The following NECTIN3 variants were observed in gnomAD, a reference collection of about 807,000 sequenced individuals.
NECTIN3 encodes the protein nectin cell adhesion molecule 3.
A neutral mutation model predicts 49.4 loss-of-function variants in NECTIN3; 8 were observed. That is an observed-to-expected ratio of 0.16 (90% CI 0.10 to 0.29). The LOEUF (loss-of-function observed/expected upper bound fraction) is 0.29, where lower values mean the gene tolerates loss of function less well. Among genes scored for constraint, NECTIN3 ranks in the 10% least tolerant of loss-of-function variants. NECTIN3 has a pLI of 1.00. For missense variants in NECTIN3, 581 were observed against 654.6 expected, an observed-to-expected ratio of 0.89 and a Z score of 1.23; for synonymous variants, 277 against 241.1, an observed-to-expected ratio of 1.15 and a Z score of -1.38.
chr3:111,137,314 T>C lies in NECTIN3; in HGVS notation c.*3099T>C, dbSNP rs2034614413. The C allele has an allele frequency of 1.0e-6, 1 of 971,812 alleles. No individual in the cohort carries two copies. The highest frequency in any genetic ancestry group is 4.8e-5 in the South Asian group (1 of 21,006). The allele number at this position is 971,812 out of a possible 1,614,324, so 60.2% of individuals were successfully genotyped here. ...ATTGTAGATTGAATTGTCTTTCCTG[T>C]TTACTTGTTAATTAGAAAATGCATC... On this transcript the variant is annotated 3_prime_UTR_variant, in exon 6 of 6. Coordinates refer to ENST00000485303, the MANE Select transcript of NECTIN3 (RefSeq NM_015480.3).
chr3:111,084,998 G>C (rs1295420720), intron 1 of NECTIN3, among the ~76,000 whole-genome samples: 1 of 152,158 alleles, frequency 6.6e-6, no homozygotes, highest in Non-Finnish European at 1.5e-5. Context: ...ATCCTTCCTT[G>C]CCTTTTTCTG....
chr3:111,089,427 G>A (rs1020792145), intron 1 of NECTIN3, among the ~76,000 whole-genome samples: 1 of 150,538 alleles, frequency 6.6e-6, no homozygotes, highest in African/African-American at 2.5e-5. Context: ...GTGTGTGTGT[G>A]TGTATGTATA....
At chr3:111,117,656 CAAGAACAGATGGTATTAAA>C (rs1006621209) in intron 2 of NECTIN3, among the ~76,000 whole-genome samples, 1 of 151,138 alleles carries the variant, frequency 6.6e-6, no homozygotes, top group African/African-American at 2.4e-5. Flanking sequence ...TCAATACCAT[CAAGAACAGATGGTATTAAA>C]AGAACCAACT....
At chr3:111,192,423 T>C in intron 1 of NECTIN3, 2 of 1,532,774 alleles carry the variant, frequency 1.3e-6, no homozygotes, top group African/African-American at 2.7e-5. Flanking sequence ...TGTAAGTAAC[T>C]GTGTTGTCGG....
intron 7 of NECTIN3, among the ~76,000 whole-genome samples, chr3:111,150,890 T>A (rs1576164395): frequency 1.3e-5 from 2 of 152,090 alleles, no homozygotes; most frequent in South Asian, 2.1e-4. Context: ...ATGAATTAAA[T>A]TTTTTAAAAC....
chr3:111,116,262 A>G (rs2033687118), intron 2 of NECTIN3, among the ~76,000 whole-genome samples: 2 of 152,324 alleles, frequency 1.3e-5, no homozygotes, highest in South Asian at 2.1e-4. Flanking sequence ...AAGATATGAA[A>G]GTTTTTAAGA....
At chr3:111,089,438 TAAAC>T (rs2032127695) in intron 1 of NECTIN3, among the ~76,000 whole-genome samples, 9 of 151,418 alleles carry the variant, frequency 5.9e-5, no homozygotes, top group Non-Finnish European at 8.8e-5. Flanking sequence ...TGTATGTATA[TAAAC>T]ATATACATAC....
intron 1 of NECTIN3, among the ~76,000 whole-genome samples, chr3:111,075,600 C>T (rs1305495950): frequency 6.6e-6 from 1 of 152,114 alleles, no homozygotes; most frequent in Non-Finnish European, 1.5e-5. Context: ...TTAAATTCTA[C>T]ACCAATGTGC....
At chr3:111,138,482 C>A (rs978448563), downstream of NECTIN3, among the ~76,000 whole-genome samples, 1 of 151,448 alleles carries the variant, frequency 6.6e-6, no homozygotes, top group African/African-American at 2.4e-5. Context: ...TACATATATA[C>A]TTTGACTTGA....
At chr3:111,125,022 C>CTTTTTTT (rs869201432) in intron 4 of NECTIN3, among the ~76,000 whole-genome samples, 26 of 90,198 alleles carry the variant, frequency 2.9e-4, no homozygotes, top group African/African-American at 4.4e-4. Context: ...TCTTTTCTTT[C>CTTTTTTT]TTTTTTTTTT....
At chr3:111,128,975 T>TA (rs1229436449) in intron 5 of NECTIN3, among the ~76,000 whole-genome samples, 1 of 152,312 alleles carries the variant, frequency 6.6e-6, no homozygotes, top group East Asian at 1.9e-4. Flanking sequence ...ACCAAATCCT[T>TA]ACAATGACTT....
intron 1 of NECTIN3, chr3:111,072,806 C>T: frequency 2.2e-6 from 1 of 459,436 alleles, no homozygotes; most frequent in South Asian, 2.5e-5. Flanking sequence ...TCACACTGCC[C>T]GTGCTTATTT....
chr3:111,080,793 C>T (rs371864619), intron 1 of NECTIN3, among the ~76,000 whole-genome samples: 14 of 152,016 alleles, frequency 9.2e-5, no homozygotes, highest in African/African-American at 2.7e-4. Flanking sequence ...GGCATGTTGG[C>T]CCTCTAAAGC....
intron 1 of NECTIN3, among the ~76,000 whole-genome samples, chr3:111,079,087 T>C (rs895777548): frequency 6.6e-6 from 1 of 152,122 alleles, no homozygotes; most frequent in Non-Finnish European, 1.5e-5. Flanking sequence ...GACTCTTCTG[T>C]TGCTTCAATT....
At chr3:111,084,178 C>T (rs9828899) in intron 1 of NECTIN3, among the ~76,000 whole-genome samples, 107,501 of 152,046 alleles carry the variant, frequency 0.71, 43,673 homozygotes, top group Non-Finnish European at 0.93. Flanking sequence ...GAGACACTTC[C>T]AGGTGTGAGA....
chr3:111,189,321 AGTGG>A, upstream of NECTIN3, among the ~76,000 whole-genome samples: 1 of 152,204 alleles, frequency 6.6e-6, no homozygotes, highest in Non-Finnish European at 1.5e-5. Context: ...TAAAAGAGGT[AGTGG>A]GTTATGATGG....
chr3:111,189,287 C>CTA (rs2107537631), upstream of NECTIN3, among the ~76,000 whole-genome samples: 1 of 152,264 alleles, frequency 6.6e-6, no homozygotes, highest in East Asian at 1.9e-4. Flanking sequence ...TGTGGCATGT[C>CTA]TGTCAGAGGT....
intron 7 of NECTIN3, among the ~76,000 whole-genome samples, chr3:111,173,941 G>C (rs1195985384): frequency 6.6e-6 from 1 of 152,008 alleles, no homozygotes; most frequent in Non-Finnish European, 1.5e-5. Context: ...TGAGAACCTA[G>C]CTGTCATCAT....
intron 1 of NECTIN3, among the ~76,000 whole-genome samples, chr3:111,082,525 GATAA>G (rs1164988925): frequency 6.6e-6 from 1 of 152,104 alleles, no homozygotes; most frequent in Non-Finnish European, 1.5e-5. Flanking sequence ...AATCTTAGTT[GATAA>G]ATAAATGAAT....
Sources: allele counts gnomAD v4.1 joint callset (sites outside exome capture counted in the v4.1 genomes callset), GRCh38; gene constraint gnomAD v4.1.1; transcripts MANE v1.5; gene names NCBI Gene and HGNC (gene_info 2026-07-23, HGNC 2026-07-21).